The following MBD3 variants were observed in gnomAD, a reference collection of about 807,000 sequenced individuals.
MBD3 encodes methyl-CpG binding domain protein 3, also known as methyl-CpG-binding domain protein 3.
Under a neutral mutation model 31.2 loss-of-function variants are expected in MBD3, and 13 were observed. The ratio of observed to expected loss-of-function variants is 0.42; its 90% CI spans 0.27 to 0.66. The LOEUF is 0.66. Ranked by LOEUF, MBD3 falls within the 30% of genes least tolerant of loss-of-function variation. MBD3 has a pLI of 0.26. For missense variants in MBD3, 440 were observed against 426.5 expected (o/e 1.03, Z -0.28); for synonymous variants, 223 against 187.4 (o/e 1.19, Z -1.55).
In MBD3 at chr19:1,581,096, T is replaced by C; in HGVS notation, c.673A>G (p.Ile225Val). The C allele has an allele frequency of 6.2e-7, 1 of 1,614,110 alleles. No individual in the cohort carries two copies. Among genetic ancestry groups the C allele is most frequent in the Non-Finnish European group, 8.5e-7 (1 of 1,180,004 alleles). Residue 225 changes from isoleucine (I) to valine (V), a missense_variant, in exon 5 of 7, where the codon ATC becomes GTC. Physicochemically the swap from Ile to Val is conservative, Grantham distance 29. Around this residue, in one of 3 missense-constraint regions of MBD3, gnomAD observed 144 missense variants for 196.9 expected, o/e 0.73. Coordinates refer to ENST00000434436, the MANE Select transcript of MBD3 (RefSeq NM_001281453.2). The stretch of plus-strand genomic sequence containing the variant: ...GGGACCAGGCCAAGGGGCTACCTGA[T>C]GTCCTCGTCGGTCACCATGAAGGCT... Reference protein sequence around the residue: ...CKAFMVTDEDIRKQEELVQQV... With the variant: ...CKAFMVTDEDVRKQEELVQQV...
chr19:1,584,423 A>G (rs1347805933), intron 3 of MBD3, 117 bp downstream of exon 3: 7 of 1,461,624 alleles, frequency 4.8e-6, no homozygotes, highest in South Asian at 2.3e-5. Context: ...TGCCCAGGCT[A>G]GCCTGGAACT....
chr19:1,584,406 G>T (rs897484438), intron 3 of MBD3, 134 bp downstream of exon 3: 3 of 1,352,724 alleles, frequency 2.2e-6, no homozygotes, highest in Admixed American at 3.6e-5. Flanking sequence ...TTTTTGCCTC[G>T]TCATGTTGCC....
intron 4 of MBD3, chr19:1,581,567 A>G (rs1698274652): frequency 2.1e-6 from 1 of 483,004 alleles, no homozygotes; most frequent in Non-Finnish European, 3.8e-6. Flanking sequence ...ACACAGTGAG[A>G]CTCCTGTCTC....
intron 1 of MBD3, among the ~76,000 whole-genome samples, chr19:1,590,836 G>A (rs1024772453): frequency 2.6e-5 from 4 of 152,226 alleles, no homozygotes; most frequent in Non-Finnish European, 4.4e-5. Flanking sequence ...TGCAGCCTCA[G>A]ATGAAGGGCT....
chr19:1,585,292 C>T lies in MBD3; in HGVS notation c.111-78G>A. On this transcript the variant is annotated intron_variant, in intron 1 of 6. Transcript: ENST00000434436. This position sits in a 1 kb window ranked among gnomAD's most constrained non-coding sequence, Gnocchi z 4.1. ...CAGGCCTCGGCCGCAGACCCAAACC[C>T]AGTCCCAGCCCCAGCTTCAGGTCGC... 1 of 1,479,670 alleles carries T rather than the reference C, an allele frequency of 6.8e-7. No homozygotes were observed. The highest frequency in any genetic ancestry group is 1.2e-5 in the South Asian group (1 of 81,430). 91.7% of individuals were successfully genotyped at this position (1,479,670 alleles called of 1,614,324 possible).
intron 1 of MBD3, chr19:1,592,057 A>G (rs1383064345): frequency 6.6e-6 from 1 of 152,274 alleles, no homozygotes; most frequent in Non-Finnish European, 1.5e-5. Context: ...GGGCGAGCCC[A>G]AGAACCCGTA....
Position 1,578,031 on chromosome 19 carries a change from G to C in MBD3, c.*133C>G, listed in dbSNP as rs1340216441. On this transcript the variant is annotated 3_prime_UTR_variant, in exon 7 of 7. Coordinates refer to ENST00000434436, the MANE Select transcript of MBD3 (RefSeq NM_001281453.2). The surrounding 1 kb of genome is among the most constrained non-coding windows in gnomAD (Gnocchi z 6.1). ...GAAGTGGGGACGGGCCGAGGAGGGA[G>C]CCAGGAGCACGGCCTTCCTCCTGGG... is the stretch of plus-strand genomic sequence containing the variant. 2.0e-6 allele frequency: 1 copy of C among 508,638 alleles called. No homozygotes were observed. Among genetic ancestry groups the C allele is most frequent in the African/African-American group, 1.9e-5 (1 of 52,010 alleles). The allele number at this position is 508,638 out of a possible 1,614,324, so 31.5% of individuals were successfully genotyped here. A position where few individuals can be genotyped will look rare whatever the true frequency, so the allele number is the denominator to read the frequency against.
At position 1,578,458 on chromosome 19, in the gene MBD3, T is replaced by C; in HGVS notation, c.758A>G (p.Glu253Gly). 2 of 1,608,988 alleles carry C rather than the reference T, an allele frequency of 1.2e-6. No individual in the cohort carries two copies. The highest frequency in any genetic ancestry group is 2.2e-5 in the South Asian group (2 of 91,070). The change falls in exon 6 of 7, where the codon GAG becomes GGG. Residue 253 changes from glutamate to glycine, a missense_variant. By Grantham distance (98) the Glu-to-Gly change is moderately conservative. Around this residue, in one of 3 missense-constraint regions of MBD3, gnomAD observed 117 missense variants for 95.0 expected, o/e 1.23. Coordinates refer to ENST00000434436, the MANE Select transcript of MBD3 (RefSeq NM_001281453.2). The surrounding 1 kb of genome is among the most constrained non-coding windows in gnomAD (Gnocchi z 6.1). ...LMADMLAHVE[E>G]LARDGEAPLD... ...CGGCGCCTCCCCGTCACGGGCCAGC[T>C]CCTCCACGTGCGCCAGCATGTCGGC...
intron 3 of MBD3, 91 bp downstream of exon 3, chr19:1,584,449 T>A: frequency 6.4e-7 from 1 of 1,565,884 alleles, no homozygotes; most frequent in Non-Finnish European, 8.7e-7. Context: ...GCTCACTACG[T>A]CCGCTCCACG....
rs749850322 is a variant in MBD3 at position 1,584,633 on chromosome 19, C to A, written c.315G>T (p.Ala105=). ...LNTALPVRQT[A]SIFKQPVTKI... is the part of the protein sequence containing the mutation. ...TGGTCACCGGCTGCTTGAAGATGGA[C>A]GCCGTCTGGCGCACGGGCAGCGCCG... The change falls in exon 3 of 7, where the codon GCG becomes GCT. Residue 105 remains alanine (A), a synonymous_variant. Coordinates refer to ENST00000434436, the MANE Select transcript of MBD3 (RefSeq NM_001281453.2). The A allele has an allele frequency of 1.2e-6, 2 of 1,613,700 alleles. No homozygotes were observed. The highest frequency in any genetic ancestry group is 2.2e-5 in the East Asian group (1 of 44,870).
chr19:1,590,352 T>A (rs1404458165), intron 1 of MBD3, among the ~76,000 whole-genome samples: 1 of 152,188 alleles, frequency 6.6e-6, no homozygotes, highest in Admixed American at 6.5e-5. Flanking sequence ...GGCCAGGCAG[T>A]GGCTCATGCC....
chr19:1,575,105 G>A lies in MBD3; in HGVS notation c.*3059C>T, dbSNP rs754457417. On this transcript the variant is annotated 3_prime_UTR_variant, in exon 7 of 7. Transcript: ENST00000434436. Reference sequence around the variant, plus strand: ...TGGGGAGCTTGGTCTGAGGGGAGGCGGGGGACACGTGAGGCTCTTGCTGCT... The same window carrying A: ...TGGGGAGCTTGGTCTGAGGGGAGGCAGGGGACACGTGAGGCTCTTGCTGCT... The A allele has an allele frequency of 1.0e-4, 41 of 391,524 alleles. No homozygotes were observed. The highest frequency in any genetic ancestry group is 2.4e-4 in the East Asian group (3 of 12,596). The allele number at this position is 391,524 out of a possible 1,614,324, so 24.3% of individuals were successfully genotyped here.
In MBD3 at chr19:1,575,144, AG is replaced by A; in HGVS notation, c.*3019del. ...GCTCTTGCTGCTGCTGGCAAGTGCC[AG>A]AAGGGCTGCCATGGTGGTTCACACC... On this transcript the variant is annotated 3_prime_UTR_variant, in exon 7 of 7. Transcript: ENST00000434436. 1 of 424,438 alleles carries A rather than the reference AG, an allele frequency of 2.4e-6. No individual in the cohort carries two copies. The highest frequency in any genetic ancestry group is 1.7e-5 in the South Asian group (1 of 59,680). The allele number at this position is 424,438 out of a possible 1,614,324, so 26.3% of individuals were successfully genotyped here.
chr19:1,579,286 G>C (rs1317396022), intron 5 of MBD3, among the ~76,000 whole-genome samples: 1 of 148,128 alleles, frequency 6.8e-6, no homozygotes, highest in Non-Finnish European at 1.5e-5. Context: ...CCTTTCCGCT[G>C]CCCACTATGC....
chr19:1,581,232 C>T lies in MBD3; in HGVS notation c.537G>A (p.Ser179=), dbSNP rs374667549. The part of the protein sequence containing the change: ...GPGCTDETLL[S]AIASALHTST... Reference sequence around the variant, plus strand: ...TAGTGTGCAGGGCGCTGGCGATGGCCGACAGCAGCGTCTCATCCGTGCAGC... The same window carrying T: ...TAGTGTGCAGGGCGCTGGCGATGGCTGACAGCAGCGTCTCATCCGTGCAGC... Residue 179 remains serine, a synonymous_variant, in exon 5 of 7, where the codon TCG becomes TCA. Coordinates refer to ENST00000434436, the MANE Select transcript of MBD3 (RefSeq NM_001281453.2). 2.0e-4 allele frequency: 326 copies of T among 1,612,080 alleles called. No individual in the cohort carries two copies. The highest frequency in any genetic ancestry group is 5.1e-4 in the East Asian group (23 of 44,866).
At chr19:1,587,808 C>CCT (rs1381441286) in intron 1 of MBD3, among the ~76,000 whole-genome samples, 1 of 152,296 alleles carries the variant, frequency 6.6e-6, no homozygotes, top group East Asian at 1.9e-4. Flanking sequence ...CAAACTCAGT[C>CCT]AACAGTCACT....
rs1568274466 is a variant in MBD3 at position 1,581,196 on chromosome 19, G to A, written c.573C>T (p.Pro191=). 1 of 1,613,998 alleles carries A rather than the reference G, an allele frequency of 6.2e-7. No homozygotes were observed. Among genetic ancestry groups the A allele is most frequent in the South Asian group, 1.1e-5 (1 of 91,084 alleles). Residue 191 remains proline (P), a synonymous_variant, in exon 5 of 7, where the codon CCC becomes CCT. Transcript: ENST00000434436. ...CGGCGGCCGAGAGCTGTCCCGTGAT[G>A]GGCATGGTGCTAGTGTGCAGGGCGC... The part of the protein sequence containing the change: ...IASALHTSTM[P]ITGQLSAAVE...
chr19:1,586,972 T>C (rs958829926), intron 1 of MBD3, among the ~76,000 whole-genome samples: 2 of 149,634 alleles, frequency 1.3e-5, no homozygotes, highest in Admixed American at 1.3e-4. Context: ...CGGCCTAATT[T>C]TTTTTTTTTT....
rs1303784188 is a variant in MBD3 at position 1,579,333 on chromosome 19, TGAGAAA to T, written c.678-801_678-796del. ...CTCCTTTACCATGGCTCGGGCGGCC[TGAGAAA>T]AAGAATCCACACCCTCGTCTCAACC... On this transcript the variant is annotated intron_variant, in intron 5 of 6. Coordinates refer to ENST00000434436, the MANE Select transcript of MBD3 (RefSeq NM_001281453.2). Among the ~76,000 whole-genome samples, 3 of 151,540 alleles carry T rather than the reference TGAGAAA, an allele frequency of 2.0e-5. No individual in the cohort carries two copies. In the East Asian group the frequency reaches 5.8e-4, roughly 29 times the overall value.
Sources: gnomAD v4.1 joint callset for allele counts (sites outside exome capture counted in the v4.1 genomes callset) on GRCh38, gnomAD v4.1.1 for gene constraint, gnomAD v4.1.1 regional missense constraint, Gnocchi (gnomAD v3.1) non-coding constraint, MANE v1.5 for transcripts, NCBI Gene and HGNC (gene_info 2026-07-23, HGNC 2026-07-21) for gene names.